Variants in PALM2AKAP2 observed in about 807,000 individuals in gnomAD.
The protein encoded by PALM2AKAP2 is PALM2-AKAP2 fusion protein.
PALM2AKAP2 carries 37 observed loss-of-function variants against 71.5 expected under a neutral mutation model. The ratio of observed to expected loss-of-function variants is 0.52; its 90% CI spans 0.40 to 0.68. The LOEUF is 0.68. PALM2AKAP2 is among the 30% of genes least tolerant of loss of function. The probability of loss-of-function intolerance (pLI) is 0.00; values close to 1 mark genes in which losing one functional copy is unlikely to be tolerated. For synonymous variants in PALM2AKAP2, 468 were observed against 478.8 expected (o/e 0.98, Z 0.29); for missense variants, 1,224 against 1,191.8 (o/e 1.03, Z -0.40).
intron 1 of PALM2AKAP2, among the ~76,000 whole-genome samples, chr9:109,818,017 A>AG (rs1363791646): frequency 6.6e-6 from 1 of 152,206 alleles, no homozygotes. Flanking sequence ...GAGTTACATT[A>AG]AGCGCAGTCT....
At chr9:109,665,380 A>T (rs547955951) in intron 1 of PALM2AKAP2, among the ~76,000 whole-genome samples, 1 of 150,666 alleles carries the variant, frequency 6.6e-6, no homozygotes, top group South Asian at 2.1e-4. Context: ...GGTGTAGATG[A>T]CCTTTTTGTT....
At chr9:109,806,456 G>A (rs1259109298) in intron 1 of PALM2AKAP2, among the ~76,000 whole-genome samples, 1 of 152,234 alleles carries the variant, frequency 6.6e-6, no homozygotes, top group Non-Finnish European at 1.5e-5. Flanking sequence ...CACGGAGCTT[G>A]CATTCTGGTG....
Position 109,999,423 on chromosome 9 carries a change from A to T in PALM2AKAP2, c.497-16531A>T, listed in dbSNP as rs896433975. Among the ~76,000 whole-genome samples the T allele has an allele frequency of 1.7e-4, 26 of 152,282 alleles. No homozygotes were observed. In the Middle Eastern group the frequency reaches 0.01, roughly 60 times the overall value. On this transcript the variant is annotated intron_variant, in intron 6 of 9. Transcript: ENST00000302798. ...AAATGTGCTCAGGGTCTCACCACCCAGACATGGTCTAGTCTAGTCCACCCA... is the reference window on the plus strand; with the variant it reads ...AAATGTGCTCAGGGTCTCACCACCCTGACATGGTCTAGTCTAGTCCACCCA...
intron 1 of PALM2AKAP2, among the ~76,000 whole-genome samples, chr9:109,743,197 C>T (rs1347707772): frequency 6.6e-6 from 1 of 152,130 alleles, no homozygotes; most frequent in Non-Finnish European, 1.5e-5. Flanking sequence ...TTTTTCCCTC[C>T]CTTGAAGCAT....
chr9:109,696,342 A>G (rs1186078285), intron 1 of PALM2AKAP2, among the ~76,000 whole-genome samples: 2 of 152,226 alleles, frequency 1.3e-5, no homozygotes, highest in Non-Finnish European at 2.9e-5. Context: ...ACATATTGAA[A>G]AATATTCAGA....
intron 6 of PALM2AKAP2, among the ~76,000 whole-genome samples, chr9:110,008,177 G>A (rs75986337): frequency 0.018 from 2,797 of 152,292 alleles, 95 homozygotes; most frequent in African/African-American, 0.064. Context: ...GGGAACAGGG[G>A]TTCTAGTTTC....
At chr9:109,786,286 A>G (rs1409782779) in intron 1 of PALM2AKAP2, among the ~76,000 whole-genome samples, 1 of 152,158 alleles carries the variant, frequency 6.6e-6, no homozygotes, top group Admixed American at 6.5e-5. Flanking sequence ...TTTACATACT[A>G]TCCAGTCCAG....
intron 2 of PALM2AKAP2, among the ~76,000 whole-genome samples, chr9:109,870,285 G>A (rs1829570776): frequency 6.6e-6 from 1 of 152,180 alleles, no homozygotes; most frequent in Non-Finnish European, 1.5e-5. Context: ...GAAGGAATAT[G>A]TTTCACTTTA....
At chr9:110,144,682 C>CT (rs1374630560) in intron 2 of PALM2AKAP2, among the ~76,000 whole-genome samples, 1 of 152,190 alleles carries the variant, frequency 6.6e-6, no homozygotes, top group Admixed American at 6.5e-5. Flanking sequence ...AATTTCTACT[C>CT]TAAAACTTGA....
intron 1 of PALM2AKAP2, among the ~76,000 whole-genome samples, chr9:110,062,893 A>C (rs772905022): frequency 6.6e-6 from 1 of 152,158 alleles, no homozygotes; most frequent in Non-Finnish European, 1.5e-5. Context: ...CAAGATGAAA[A>C]AATACCTGCC....
chr9:109,697,912 A>T (rs1053184946), intron 1 of PALM2AKAP2, among the ~76,000 whole-genome samples: 4 of 152,188 alleles, frequency 2.6e-5, no homozygotes, highest in Non-Finnish European at 5.9e-5. Flanking sequence ...CGCATTAATT[A>T]TGATAGATTT....
chr9:110,072,125 G>A (rs999148913), intron 1 of PALM2AKAP2, among the ~76,000 whole-genome samples: 2 of 152,114 alleles, frequency 1.3e-5, no homozygotes, highest in Non-Finnish European at 2.9e-5. Flanking sequence ...AAGCCTATTG[G>A]TAAAATATAG....
chr9:109,971,283 C>CTTTTTTTT lies in PALM2AKAP2; in HGVS notation c.496+39279_496+39286dup, dbSNP rs11392589. Among the ~76,000 whole-genome samples the CTTTTTTTT allele has an allele frequency of 1.4e-3, 62 of 45,682 alleles. 4 individuals carry two copies. The highest frequency in any genetic ancestry group is 6.8e-3 in the African/African-American group (55 of 8,060). The allele number at this position is 45,682 out of a possible 152,430, so 30.0% of individuals were successfully genotyped here. ...TCCATGTTTATCCCACTCTTAGTCC[C>CTTTTTTTT]TTTTTTTTTTTTTTTTTTTTTTTTT... On this transcript the variant is annotated intron_variant, in intron 6 of 9. Transcript: ENST00000302798.
chr9:109,713,330 A>T (rs77331765), intron 1 of PALM2AKAP2, among the ~76,000 whole-genome samples: 6,446 of 152,200 alleles, frequency 0.042, 185 homozygotes, highest in Non-Finnish European at 0.053. Context: ...GCTGGGAAAT[A>T]TCTAAGTCAG....
exon 1 of PALM2AKAP2, chr9:109,640,827 C>T: frequency 1.3e-6 from 2 of 1,514,608 alleles, no homozygotes; most frequent in Non-Finnish European, 1.8e-6. Context: ...CGCCGGTGAG[C>T]CCCGCAGCAG....
At chr9:110,081,590 C>A (rs776490309) in intron 1 of PALM2AKAP2, among the ~76,000 whole-genome samples, 1 of 151,252 alleles carries the variant, frequency 6.6e-6, no homozygotes, top group Non-Finnish European at 1.5e-5. Context: ...ACAGAGAATC[C>A]CAGGGCTAAA....
chr9:109,991,244 CT>C (rs956877791), intron 6 of PALM2AKAP2, among the ~76,000 whole-genome samples: 54 of 137,566 alleles, frequency 3.9e-4, no homozygotes, highest in African/African-American at 1.3e-3. Flanking sequence ...TTTTTTTTTT[CT>C]TTTTTTTTTA....
At chr9:109,980,759 C>T (rs1256541925) in intron 6 of PALM2AKAP2, among the ~76,000 whole-genome samples, 1 of 152,184 alleles carries the variant, frequency 6.6e-6, no homozygotes, top group African/African-American at 2.4e-5. Context: ...CACATACAGG[C>T]CAATTGTTCT....
intron 3 of PALM2AKAP2, among the ~76,000 whole-genome samples, chr9:109,910,102 G>A (rs572682545): frequency 1.3e-5 from 2 of 152,330 alleles, no homozygotes; most frequent in South Asian, 4.1e-4. Context: ...GGGCAAATTG[G>A]CTTGGTGGCT....
Sources: allele counts gnomAD v4.1 joint callset (sites outside exome capture counted in the v4.1 genomes callset), GRCh38; gene constraint gnomAD v4.1.1; transcripts MANE v1.5; gene names NCBI Gene and HGNC (gene_info 2026-07-23, HGNC 2026-07-21).